Variants in RBFOX1 observed in about 807,000 individuals in gnomAD.
RBFOX1 encodes RNA binding fox-1 homolog 1, also known as RNA binding protein fox-1 homolog 1.
A neutral mutation model predicts 57.7 loss-of-function variants in RBFOX1; 8 were observed. That is an observed-to-expected ratio of 0.14 (90% CI 0.08 to 0.25). The LOEUF (loss-of-function observed/expected upper bound fraction) is 0.25, where lower values mean the gene tolerates loss of function less well. Among genes scored for constraint, RBFOX1 ranks in the 10% least tolerant of loss-of-function variants. The probability of loss-of-function intolerance (pLI) is 1.00; values close to 1 mark genes in which losing one functional copy is unlikely to be tolerated. For synonymous variants in RBFOX1, 326 were observed against 222.4 expected (o/e 1.47, Z -4.15); for missense variants, 611 against 548.5 (o/e 1.11, Z -1.14).
At chr16:5,615,567 G>A (rs1200503127) in intron 3 of RBFOX1, among the ~76,000 whole-genome samples, 1 of 152,246 alleles carries the variant, frequency 6.6e-6, no homozygotes, top group Non-Finnish European at 1.5e-5. Flanking sequence ...ATCTGAAGAT[G>A]TGGTGGGAGT....
chr16:5,774,048 C>A (rs1014547047), intron 3 of RBFOX1, among the ~76,000 whole-genome samples: 5 of 152,162 alleles, frequency 3.3e-5, no homozygotes, highest in African/African-American at 1.2e-4. Context: ...AGGTCATAGT[C>A]ATTTACATTC....
chr16:6,536,006 A>G (rs1170955238), intron 2 of RBFOX1, among the ~76,000 whole-genome samples: 1 of 152,176 alleles, frequency 6.6e-6, no homozygotes, highest in Non-Finnish European at 1.5e-5. Context: ...TCTCTAGGCT[A>G]TCCACAAAAT....
At chr16:5,779,014 A>T (rs950318635) in intron 3 of RBFOX1, among the ~76,000 whole-genome samples, 1 of 152,180 alleles carries the variant, frequency 6.6e-6, no homozygotes, top group Non-Finnish European at 1.5e-5. Flanking sequence ...TTGAGCCCTC[A>T]TTGATTTCTG....
At chr16:7,517,354 T>C (rs1161978839) in intron 4 of RBFOX1, among the ~76,000 whole-genome samples, 1 of 152,062 alleles carries the variant, frequency 6.6e-6, no homozygotes, top group Non-Finnish European at 1.5e-5. Context: ...TGTTATATAA[T>C]ACTCTGTGCT....
At chr16:5,842,397 TC>T (rs1322062929) in intron 3 of RBFOX1, among the ~76,000 whole-genome samples, 2 of 152,230 alleles carry the variant, frequency 1.3e-5, no homozygotes, top group African/African-American at 4.8e-5. Context: ...GGATTTGATT[TC>T]CATTTAAATC....
chr16:7,011,720 T>A (rs1237795580), intron 3 of RBFOX1, among the ~76,000 whole-genome samples: 4 of 152,150 alleles, frequency 2.6e-5, no homozygotes, highest in Non-Finnish European at 5.9e-5. Context: ...TTCACCATGT[T>A]AGTCAGGATG....
At chr16:7,407,420 G>C (rs529815402) in intron 4 of RBFOX1, among the ~76,000 whole-genome samples, 39 of 151,854 alleles carry the variant, frequency 2.6e-4, no homozygotes, top group Middle Eastern at 3.4e-3. Flanking sequence ...GTGTGGTGCA[G>C]AGAAGAATGG....
At chr16:5,579,622 C>T (rs2046592909) in intron 2 of RBFOX1, among the ~76,000 whole-genome samples, 1 of 152,192 alleles carries the variant, frequency 6.6e-6, no homozygotes, top group South Asian at 2.1e-4. Flanking sequence ...TGGAGCTGCT[C>T]CTTCTGCCAA....
At chr16:5,882,020 A>T (rs559858397) in intron 4 of RBFOX1, among the ~76,000 whole-genome samples, 1 of 152,296 alleles carries the variant, frequency 6.6e-6, no homozygotes, top group African/African-American at 2.4e-5. Flanking sequence ...CTTAATCTCA[A>T]TTATTCCCCA....
intron 3 of RBFOX1, among the ~76,000 whole-genome samples, chr16:6,961,165 AAAAG>A (rs1346691308): frequency 2.0e-5 from 3 of 150,582 alleles, no homozygotes; most frequent in South Asian, 2.1e-4. Context: ...ACACACACGC[AAAAG>A]AAAGAAAGAA....
intron 4 of RBFOX1, among the ~76,000 whole-genome samples, chr16:7,442,502 T>C (rs2098776476): frequency 1.3e-5 from 2 of 151,322 alleles, no homozygotes; most frequent in Admixed American, 1.3e-4. Flanking sequence ...GAGGTGAGAG[T>C]GAATAAAAAT....
intron 3 of RBFOX1, among the ~76,000 whole-genome samples, chr16:6,722,204 A>C (rs1443096482): frequency 2.6e-5 from 4 of 152,156 alleles, no homozygotes; most frequent in Non-Finnish European, 4.4e-5. Flanking sequence ...TTCTAGTTTT[A>C]AGTTTTGAAG....
At chr16:6,155,975 C>G (rs1165032645) in intron 1 of RBFOX1, among the ~76,000 whole-genome samples, 2 of 152,120 alleles carry the variant, frequency 1.3e-5, no homozygotes, top group African/African-American at 4.8e-5. Flanking sequence ...ATTTAATCCT[C>G]CCCACTCTTC....
intron 2 of RBFOX1, among the ~76,000 whole-genome samples, chr16:5,576,485 C>CA (rs1285699416): frequency 6.6e-6 from 1 of 151,966 alleles, no homozygotes; most frequent in Non-Finnish European, 1.5e-5. Flanking sequence ...TTCTTTTTTT[C>CA]ATCTGTGTGT....
intron 2 of RBFOX1, among the ~76,000 whole-genome samples, chr16:6,506,921 TAC>T (rs1250106630): frequency 6.6e-6 from 1 of 152,190 alleles, no homozygotes; most frequent in Non-Finnish European, 1.5e-5. Flanking sequence ...GTGCTGGGGT[TAC>T]AGTCATGAGC....
intron 1 of RBFOX1, among the ~76,000 whole-genome samples, chr16:6,304,695 C>T (rs1244288059): frequency 6.6e-6 from 1 of 151,746 alleles, no homozygotes; most frequent in Non-Finnish European, 1.5e-5. Context: ...CCAGCCTGGC[C>T]AACATGGTGA....
At chr16:5,875,912 G>C (rs2057597275) in intron 4 of RBFOX1, among the ~76,000 whole-genome samples, 1 of 150,474 alleles carries the variant, frequency 6.6e-6, no homozygotes, top group Admixed American at 6.6e-5. Flanking sequence ...GGCGCCATCT[G>C]GGCTCACTGC....
At chr16:7,061,258 T>C (rs1294367846) in intron 4 of RBFOX1, among the ~76,000 whole-genome samples, 1 of 151,878 alleles carries the variant, frequency 6.6e-6, no homozygotes, top group Non-Finnish European at 1.5e-5. Context: ...ATTTAAAATG[T>C]TTTTTAAAAT....
intron 3 of RBFOX1, among the ~76,000 whole-genome samples, chr16:6,674,929 A>G (rs756669420): frequency 2.2e-4 from 33 of 151,940 alleles, no homozygotes; most frequent in African/African-American, 7.2e-4. Context: ...GTTTTTTGAC[A>G]CAGTCTCACT....
Sources: allele counts gnomAD v4.1 joint callset (sites outside exome capture counted in the v4.1 genomes callset), GRCh38; gene constraint gnomAD v4.1.1; transcripts MANE v1.5; gene names NCBI Gene and HGNC (gene_info 2026-07-23, HGNC 2026-07-21).